The following SPHKAP variants were observed in gnomAD, a reference collection of about 807,000 sequenced individuals.
SPHKAP encodes SPHK1 interactor, AKAP domain containing.
Under a neutral mutation model 137.5 loss-of-function variants are expected in SPHKAP, and 67 were observed. The observed-to-expected ratio is 0.49, with a 90% CI of 0.40 to 0.60. The LOEUF (loss-of-function observed/expected upper bound fraction) is 0.60, where lower values mean the gene tolerates loss of function less well. SPHKAP is among the 20% of genes least tolerant of loss of function. SPHKAP has a pLI of 0.00. For missense variants in SPHKAP, 2,097 were observed against 2,069.3 expected (o/e 1.01, Z -0.26); for synonymous variants, 813 against 785.3 (o/e 1.04, Z -0.59).
chr2:228,020,722 T>C (rs904575498), intron 6 of SPHKAP, among the ~76,000 whole-genome samples: 3 of 152,030 alleles, frequency 2.0e-5, no homozygotes, highest in Admixed American at 2.0e-4. Context: ...ATAATAAAAA[T>C]AAAATAAATA....
At chr2:228,125,691 T>C (rs1008646933) in intron 2 of SPHKAP, among the ~76,000 whole-genome samples, 1 of 152,284 alleles carries the variant, frequency 6.6e-6, no homozygotes, top group Non-Finnish European at 1.5e-5. Context: ...TTTAAACAAA[T>C]ATAAAAGAAT....
In SPHKAP at chr2:228,020,118, T is replaced by C. The variant is rs772823521; in HGVS notation, c.736A>G (p.Ser246Gly). Residue 246 changes from serine to glycine, a missense_variant, in exon 7 of 12, where the codon AGT becomes GGT. Ser to Gly is a moderately conservative substitution (Grantham distance 56, BLOSUM62 0). Coordinates refer to ENST00000392056, the MANE Select transcript of SPHKAP (RefSeq NM_001142644.2). ...NINVSANVLE[S>G]KQLKGATQVE... ...TGGGTGGCTCCCTTTAGCTGTTTAC[T>C]TTCCAAAACATTGGCTGAGACATTT... The C allele has an allele frequency of 1.1e-5, 17 of 1,610,120 alleles. No homozygotes were observed. Among genetic ancestry groups the C allele is most frequent in the Non-Finnish European group, 1.4e-5 (17 of 1,179,012 alleles).
chr2:228,130,937 T>A (rs1406543916), intron 2 of SPHKAP, among the ~76,000 whole-genome samples: 1 of 152,132 alleles, frequency 6.6e-6, no homozygotes, highest in Non-Finnish European at 1.5e-5. Context: ...TGGTTATGAA[T>A]GAATGGATGG....
intron 7 of SPHKAP, among the ~76,000 whole-genome samples, chr2:228,001,305 ATC>A (rs1559339520): frequency 6.9e-6 from 1 of 144,938 alleles, no homozygotes; most frequent in African/African-American, 2.5e-5. Flanking sequence ...ATATAAATAT[ATC>A]TATACATATA....
chr2:228,133,199 T>C (rs1699315438), intron 1 of SPHKAP, among the ~76,000 whole-genome samples: 1 of 149,628 alleles, frequency 6.7e-6, no homozygotes, highest in African/African-American at 2.5e-5. Flanking sequence ...CCCAACTACT[T>C]GGTAGGCTGA....
At chr2:228,000,267 G>A (rs1693800178) in intron 7 of SPHKAP, among the ~76,000 whole-genome samples, 1 of 152,064 alleles carries the variant, frequency 6.6e-6, no homozygotes, top group Non-Finnish European at 1.5e-5. Flanking sequence ...ATCACCTGAG[G>A]TCAGGAGTTC....
At chr2:228,166,121 A>G (rs1364735455) in intron 1 of SPHKAP, among the ~76,000 whole-genome samples, 2 of 152,176 alleles carry the variant, frequency 1.3e-5, no homozygotes, top group African/African-American at 4.8e-5. Flanking sequence ...CAGATCTGAG[A>G]ATCAAAGAAT....
chr2:228,040,116 C>T (rs1299713812), intron 3 of SPHKAP, among the ~76,000 whole-genome samples: 1 of 152,124 alleles, frequency 6.6e-6, no homozygotes, highest in Non-Finnish European at 1.5e-5. Flanking sequence ...GTCAAATTGC[C>T]TTAAAATCTA....
In SPHKAP at chr2:227,986,640, A is replaced by G. The variant is rs375195406; in HGVS notation, c.4959+4360T>C. On this transcript the variant is annotated intron_variant, in intron 11 of 11. Transcript: ENST00000392056. ...ATTTTTCTTCCACCACTTTGTATGT[A>G]AAATAGAATAAGAAATTAGAGGGAG... Among the ~76,000 whole-genome samples, 42 of 152,320 alleles carry G rather than the reference A, an allele frequency of 2.8e-4. 1 individual carries two copies. The highest frequency in any genetic ancestry group is 8.9e-4 in the African/African-American group (37 of 41,584).
intron 7 of SPHKAP, among the ~76,000 whole-genome samples, chr2:228,001,256 C>CAA (rs1294727752): frequency 2.5e-5 from 3 of 122,358 alleles, no homozygotes; most frequent in African/African-American, 6.1e-5. Flanking sequence ...TATACACACA[C>CAA]ACACACATAT....
Position 228,002,806 on chromosome 2 carries a change from A to C in SPHKAP, c.4449-7112T>G, listed in dbSNP as rs189419436. Among the ~76,000 whole-genome samples, 1,319 of 152,266 alleles carry C rather than the reference A, an allele frequency of 8.7e-3. 21 individuals carry two copies. The highest frequency in any genetic ancestry group is 0.03 in the African/African-American group (1,248 of 41,534). On this transcript the variant is annotated intron_variant, in intron 7 of 11. Transcript: ENST00000392056. ...CATATGGCTAGCCAGTTTTCCCAGC[A>C]CCATTTGTTAAATAGGGAATCCTTT...
chr2:228,017,425 T>A lies in SPHKAP; in HGVS notation c.3429A>T (p.Gly1143=). The A allele has an allele frequency of 1.2e-6, 2 of 1,613,980 alleles. No individual in the cohort carries two copies. The highest frequency in any genetic ancestry group is 2.2e-5 in the South Asian group (2 of 91,082). Residue 1143 remains glycine, a synonymous_variant, in exon 7 of 12, where the codon GGA becomes GGT. Transcript: ENST00000392056. The stretch of plus-strand genomic sequence containing the variant: ...CATAGTAATCCAGCAGTAACTCAAA[T>A]CCTCTCCCTTCATTTTCCATCTGGT... The part of the protein sequence containing the change: ...MVNQMENEGR[G]FELLLDYYAG...
At chr2:227,982,574 G>A (rs908651875) in intron 11 of SPHKAP, among the ~76,000 whole-genome samples, 29 of 152,202 alleles carry the variant, frequency 1.9e-4, no homozygotes, top group Admixed American at 1.5e-3. Context: ...TGGAACTGAT[G>A]AAGTCCAGTG....
intron 7 of SPHKAP, among the ~76,000 whole-genome samples, chr2:227,998,090 T>A (rs1271391739): frequency 6.6e-6 from 1 of 152,184 alleles, no homozygotes; most frequent in African/African-American, 2.4e-5. Flanking sequence ...CACTGCAACC[T>A]CCGTCTCCCA....
At chr2:228,160,602 CTCCCACCAGA>C (rs762013839) in intron 1 of SPHKAP, among the ~76,000 whole-genome samples, 2 of 152,172 alleles carry the variant, frequency 1.3e-5, no homozygotes, top group Non-Finnish European at 2.9e-5. Context: ...ATTTAATTAA[CTCCCACCAGA>C]TCCCTCCCAT....
chr2:228,150,911 A>G (rs1051382201), intron 1 of SPHKAP, among the ~76,000 whole-genome samples: 1 of 151,744 alleles, frequency 6.6e-6, no homozygotes, highest in African/African-American at 2.4e-5. Context: ...CACCATGCAT[A>G]GATAGTTTAT....
chr2:228,096,573 T>G (rs78239699), intron 3 of SPHKAP, among the ~76,000 whole-genome samples: 83 of 151,992 alleles, frequency 5.5e-4, no homozygotes, highest in Non-Finnish European at 5.6e-4. Flanking sequence ...TTTGGTTGAA[T>G]GAAATCCACT....
At chr2:228,026,632 T>TG (rs540317735) in intron 4 of SPHKAP, among the ~76,000 whole-genome samples, 1,581 of 152,326 alleles carry the variant, frequency 0.01, 27 homozygotes, top group African/African-American at 0.036. Flanking sequence ...TGCTCTTTGA[T>TG]GGACTCTGCA....
chr2:228,105,533 C>T (rs72975911), intron 3 of SPHKAP, among the ~76,000 whole-genome samples: 8,099 of 152,120 alleles, frequency 0.053, 304 homozygotes, highest in Admixed American at 0.094. Context: ...TAATTAGAAA[C>T]ACATAAGCAC....
Sources: allele counts gnomAD v4.1 joint callset (sites outside exome capture counted in the v4.1 genomes callset), GRCh38; gene constraint gnomAD v4.1.1; transcripts MANE v1.5; gene names NCBI Gene and HGNC (gene_info 2026-07-23, HGNC 2026-07-21).